Variants in GPBP1L1 observed in about 807,000 individuals in gnomAD.
GPBP1L1 encodes the protein vasculin-like protein 1.
In GPBP1L1, 23 loss-of-function variants were observed where a neutral mutation model predicts 52.5. The ratio of observed to expected loss-of-function variants is 0.44; its 90% CI spans 0.32 to 0.62. The LOEUF (loss-of-function observed/expected upper bound fraction) is 0.62. Among genes scored for constraint, GPBP1L1 ranks in the 20% least tolerant of loss-of-function variants. The pLI, the probability that GPBP1L1 is intolerant of heterozygous loss-of-function variation, is 0.06. For synonymous variants in GPBP1L1, 243 were observed against 203.1 expected, an observed-to-expected ratio of 1.20 and a Z score of -1.67; for missense variants, 596 against 579.3, an observed-to-expected ratio of 1.03 and a Z score of -0.30.
chr1:45,660,947 G>A lies in GPBP1L1; in HGVS notation c.-819C>T, dbSNP rs965172902. On this transcript the variant is annotated 5_prime_UTR_variant, in exon 3 of 13. Transcript: ENST00000355105. The stretch of plus-strand genomic sequence containing the variant: ...TACTAAATGTATATTCTATGTCTTT[G>A]GCCTTTACTATTTATAAATTCAGAG... 2 of 152,144 alleles carry A rather than the reference G, an allele frequency of 1.3e-5. No individual in the cohort carries two copies. Among genetic ancestry groups the A allele is most frequent in the Non-Finnish European group, 2.9e-5 (2 of 68,028 alleles). The allele number at this position is 152,144 out of a possible 1,614,324, so 9.4% of individuals were successfully genotyped here.
chr1:45,634,314 A>C, intron 8 of GPBP1L1, 78 bp from the exon 9 acceptor site: 6 of 1,402,246 alleles, frequency 4.3e-6, no homozygotes, highest in Non-Finnish European at 5.8e-6. Context: ...TAAAGCAAAG[A>C]GTGAAATGTT....
At position 45,650,956 on chromosome 1, in the gene GPBP1L1, G is replaced by A. The variant is rs1420958025; in HGVS notation, c.477+3587C>T. 3 of 316,908 alleles carry A rather than the reference G, an allele frequency of 9.5e-6. No homozygotes were observed. The Admixed American group carries it at 1.1e-4, about 12-fold the overall frequency. 19.6% of individuals were successfully genotyped at this position (316,908 alleles called of 1,614,324 possible). ...AAGTTAATTACATATTATTCATCAA[G>A]TCACTTTGGATAGAAATCTTTAGGA... On this transcript the variant is annotated intron_variant, in intron 6 of 12. Transcript: ENST00000355105.
intron 2 of GPBP1L1, among the ~76,000 whole-genome samples, chr1:45,662,060 A>C (rs1644953427): frequency 6.6e-6 from 1 of 152,178 alleles, no homozygotes; most frequent in Non-Finnish European, 1.5e-5. Flanking sequence ...CAGAGATTTA[A>C]AACTTTTATA....
upstream of GPBP1L1, chr1:45,688,081 C>G (rs1230561025): frequency 6.6e-6 from 1 of 152,138 alleles, no homozygotes; most frequent in African/African-American, 2.4e-5. Flanking sequence ...GAATGGCCCC[C>G]AAACAGAAAG....
At chr1:45,636,205 T>C (rs1644591824) in intron 8 of GPBP1L1, among the ~76,000 whole-genome samples, 1 of 152,194 alleles carries the variant, frequency 6.6e-6, no homozygotes, top group African/African-American at 2.4e-5. Flanking sequence ...TTTCTGAACC[T>C]GTCCCTTTTT....
chr1:45,664,426 CGTG>C (rs1557714676), intron 2 of GPBP1L1, among the ~76,000 whole-genome samples: 1 of 151,484 alleles, frequency 6.6e-6, no homozygotes, highest in Admixed American at 6.6e-5. Flanking sequence ...ATTAGCTGGG[CGTG>C]GTGGTGGGCG....
Position 45,655,296 on chromosome 1 carries a change from T to A in GPBP1L1, c.84A>T (p.Lys28Asn). 3 of 1,614,024 alleles carry A rather than the reference T, an allele frequency of 1.9e-6. No homozygotes were observed. The highest frequency in any genetic ancestry group is 2.5e-6 in the Non-Finnish European group (3 of 1,179,928). The change falls in exon 5 of 13, where the codon AAA becomes AAT. Residue 28 changes from lysine (K) to asparagine (N), a missense_variant. Coordinates refer to ENST00000355105, the MANE Select transcript of GPBP1L1 (RefSeq NM_021639.5). ...CTCCTCTGGGTAGGTGCTCTCCGTG[T>A]TTTTCGAAGGTGGCAGTAGGTGACT... is the stretch of plus-strand genomic sequence containing the variant. ...SAKSPTATFE[K>N]HGEHLPRGEG...
chr1:45,675,610 C>T (rs1380154428), intron 2 of GPBP1L1, among the ~76,000 whole-genome samples: 4 of 152,144 alleles, frequency 2.6e-5, no homozygotes, highest in East Asian at 3.9e-4. Flanking sequence ...GGCACGATTA[C>T]GGCTCATTAC....
intron 8 of GPBP1L1, among the ~76,000 whole-genome samples, chr1:45,636,173 C>T (rs377208691): frequency 1.8e-4 from 27 of 152,230 alleles, no homozygotes; most frequent in African/African-American, 5.8e-4. Context: ...TTGGGAAATG[C>T]GATATTGCTC....
At chr1:45,652,887 G>A (rs369973636) in intron 6 of GPBP1L1, among the ~76,000 whole-genome samples, 1 of 151,942 alleles carries the variant, frequency 6.6e-6, no homozygotes. Context: ...AACATACATT[G>A]TTTTCAAATC....
chr1:45,686,078 A>G (rs1004928472), intron 1 of GPBP1L1, among the ~76,000 whole-genome samples: 1 of 152,236 alleles, frequency 6.6e-6, no homozygotes, highest in African/African-American at 2.4e-5. Context: ...CAAGTCACTC[A>G]ACGAGCACCA....
At chr1:45,674,389 T>A (rs1645114101) in intron 2 of GPBP1L1, among the ~76,000 whole-genome samples, 1 of 152,172 alleles carries the variant, frequency 6.6e-6, no homozygotes, top group African/African-American at 2.4e-5. Flanking sequence ...AAGTTAACAA[T>A]CTTACATTGA....
intron 1 of GPBP1L1, among the ~76,000 whole-genome samples, 193 bp from the exon 2 acceptor site, chr1:45,685,813 T>A (rs909232050): frequency 2.6e-5 from 4 of 151,674 alleles, no homozygotes; most frequent in African/African-American, 9.7e-5. Flanking sequence ...AGAAAAAAAA[T>A]AACACTTAAA....
chr1:45,655,492 C>G, intron 4 of GPBP1L1, 173 bp from the exon 5 acceptor site: 1 of 597,266 alleles, frequency 1.7e-6, no homozygotes, highest in South Asian at 2.3e-5. Context: ...TAGAGAAGTC[C>G]TAGGTTATAT....
chr1:45,645,817 T>C, intron 6 of GPBP1L1: 1 of 458,032 alleles, frequency 2.2e-6, no homozygotes, highest in Non-Finnish European at 4.2e-6. Context: ...ATTGCATCCC[T>C]AGAAACAAAA....
At chr1:45,629,773 G>A in intron 11 of GPBP1L1, 95 bp from the exon 12 acceptor site, 2 of 786,708 alleles carry the variant, frequency 2.5e-6, no homozygotes, top group African/African-American at 1.7e-5. Context: ...TCTGCCCAGG[G>A]GCAATGGATG....
intron 10 of GPBP1L1, among the ~76,000 whole-genome samples, chr1:45,631,348 C>T (rs573711363): frequency 1.2e-4 from 19 of 152,188 alleles, no homozygotes; most frequent in Admixed American, 3.9e-4. Flanking sequence ...CTGCAACCCC[C>T]GCCTCCCATG....
chr1:45,654,886 G>GT, intron 5 of GPBP1L1, 57 bp from the exon 6 acceptor site: 1 of 1,538,880 alleles, frequency 6.5e-7, no homozygotes, highest in Non-Finnish European at 8.8e-7. Context: ...TTGGTTTACG[G>GT]TATTGGCCAA....
At chr1:45,670,911 G>A (rs746455826) in intron 2 of GPBP1L1, among the ~76,000 whole-genome samples, 14 of 147,116 alleles carry the variant, frequency 9.5e-5, no homozygotes, top group Admixed American at 4.2e-4. Context: ...TCCTGCCTCA[G>A]CCTCCCGAGT....
Sources: gnomAD v4.1 joint callset for allele counts (sites outside exome capture counted in the v4.1 genomes callset) on GRCh38, gnomAD v4.1.1 for gene constraint, MANE v1.5 for transcripts, NCBI Gene and HGNC (gene_info 2026-07-23, HGNC 2026-07-21) for gene names.